The following SYNDIG1 variants were observed in gnomAD, a reference collection of about 807,000 sequenced individuals.
SYNDIG1 encodes the protein synapse differentiation-inducing gene protein 1.
SYNDIG1 carries 9 observed loss-of-function variants against 19.4 expected under a neutral mutation model. The ratio of observed to expected loss-of-function variants is 0.46; its 90% CI spans 0.28 to 0.81. The LOEUF is 0.81. Ranked by LOEUF, SYNDIG1 falls within the 30% of genes least tolerant of loss-of-function variation. The pLI is 0.12. For synonymous variants in SYNDIG1, 141 were observed against 145.9 expected (o/e 0.97, Z 0.24); for missense variants, 311 against 343.3 (o/e 0.91, Z 0.74).
intron 3 of SYNDIG1, among the ~76,000 whole-genome samples, chr20:24,600,394 CAA>C (rs1007847514): frequency 8.5e-5 from 13 of 152,146 alleles, no homozygotes; most frequent in African/African-American, 2.9e-4. Context: ...AGCAAGTGGC[CAA>C]GTCACCATCA....
chr20:24,577,277 C>T (rs1015774764), intron 2 of SYNDIG1, among the ~76,000 whole-genome samples: 7 of 152,152 alleles, frequency 4.6e-5, no homozygotes, highest in African/African-American at 1.4e-4. Flanking sequence ...CAAGGGGCCT[C>T]GAGATGTTGA....
In SYNDIG1 at chr20:24,543,136, C is replaced by T. The variant is rs1023569367; in HGVS notation, c.39C>T (p.His13=). Residue 13 remains histidine, a synonymous_variant, in exon 2 of 4, where the codon CAC becomes CAT. Coordinates refer to ENST00000376862, the MANE Select transcript of SYNDIG1 (RefSeq NM_024893.3). ...TTGAACAGAAGAGCATGCTGGTGCA[C>T]AGTAAAATCAGTGATGCTGGCAAGA... ...GIIEQKSMLV[H]SKISDAGKRN... The T allele has an allele frequency of 6.2e-6, 10 of 1,614,008 alleles. No homozygotes were observed. The African/African-American group carries it at 1.3e-4, about 22-fold the overall frequency.
At chr20:24,588,941 C>T (rs1234537007) in intron 3 of SYNDIG1, among the ~76,000 whole-genome samples, 1 of 111,622 alleles carries the variant, frequency 9.0e-6, no homozygotes, top group East Asian at 3.0e-4. Flanking sequence ...GGGGAGGCAT[C>T]TGGCTTGTCC....
chr20:24,591,232 TTAA>T (rs1442693790), intron 3 of SYNDIG1, among the ~76,000 whole-genome samples: 1 of 150,388 alleles, frequency 6.6e-6, no homozygotes, highest in Non-Finnish European at 1.5e-5. Context: ...TACAAAAATT[TTAA>T]AAAAAAAAAT....
rs575283520 is a variant in SYNDIG1 at position 24,516,546 on chromosome 20, A to G, written c.-78-26474A>G. ...ACTTGTCAAAAGAAGACATTTATGC[A>G]GCCAACAGACACATGAAAAACTGCT... is the stretch of plus-strand genomic sequence containing the variant. On this transcript the variant is annotated intron_variant, in intron 1 of 3. Coordinates refer to ENST00000376862, the MANE Select transcript of SYNDIG1 (RefSeq NM_024893.3). 1.1e-4 allele frequency among the ~76,000 whole-genome samples: 16 copies of G among 152,358 alleles called. No individual in the cohort carries two copies. In the South Asian group the frequency reaches 3.1e-3, roughly 30 times the overall value.
intron 3 of SYNDIG1, among the ~76,000 whole-genome samples, chr20:24,663,344 T>G (rs1397590474): frequency 6.6e-6 from 1 of 152,082 alleles, no homozygotes; most frequent in East Asian, 1.9e-4. Flanking sequence ...AGAATGAGAA[T>G]AAAGAGCAAA....
At chr20:24,652,101 A>T (rs1446031988) in intron 3 of SYNDIG1, among the ~76,000 whole-genome samples, 1 of 152,252 alleles carries the variant, frequency 6.6e-6, no homozygotes, top group African/African-American at 2.4e-5. Context: ...ATTTGTTACC[A>T]GCAGTAGATA....
intron 1 of SYNDIG1, among the ~76,000 whole-genome samples, chr20:24,527,961 T>C (rs1300048690): frequency 6.6e-6 from 1 of 152,228 alleles, no homozygotes; most frequent in East Asian, 1.9e-4. Context: ...AACTTCTCTA[T>C]CTTGTCTTTC....
At chr20:24,470,366 T>C (rs2055391210) in intron 1 of SYNDIG1, among the ~76,000 whole-genome samples, 1 of 152,102 alleles carries the variant, frequency 6.6e-6, no homozygotes, top group Admixed American at 6.5e-5. Context: ...CGGGCGACCG[T>C]GGCGGAAGCA....
At chr20:24,583,717 A>G (rs2058367607) in intron 2 of SYNDIG1, among the ~76,000 whole-genome samples, 1 of 152,190 alleles carries the variant, frequency 6.6e-6, no homozygotes, top group Admixed American at 6.5e-5. Context: ...AGGGTGGGGC[A>G]GTGGTTCTCT....
intron 3 of SYNDIG1, among the ~76,000 whole-genome samples, chr20:24,601,468 C>T (rs193296438): frequency 3.3e-5 from 5 of 152,232 alleles, no homozygotes; most frequent in Admixed American, 3.3e-4. Flanking sequence ...TAGTGATTTC[C>T]TTTCTTTAAT....
At chr20:24,629,884 G>A (rs2059214388) in intron 3 of SYNDIG1, among the ~76,000 whole-genome samples, 1 of 152,168 alleles carries the variant, frequency 6.6e-6, no homozygotes, top group Non-Finnish European at 1.5e-5. Context: ...ATAACTGCTT[G>A]GAGACAGGCA....
intron 3 of SYNDIG1, among the ~76,000 whole-genome samples, chr20:24,642,294 T>C (rs935514905): frequency 6.6e-6 from 1 of 152,048 alleles, no homozygotes; most frequent in Non-Finnish European, 1.5e-5. Context: ...AGACTTGGGG[T>C]CACATCAGGG....
rs551665646 is a variant in SYNDIG1 at position 24,528,769 on chromosome 20, C to T, written c.-78-14251C>T. Among the ~76,000 whole-genome samples the T allele has an allele frequency of 2.0e-5, 3 of 152,298 alleles. No homozygotes were observed. The South Asian group carries it at 6.2e-4, about 32-fold the overall frequency. ...CAAACCATTAGCAGTGCTCATTTCC[C>T]TCCCTTGAATCCCAAACTCAGGTTG... On this transcript the variant is annotated intron_variant, in intron 1 of 3. Coordinates refer to ENST00000376862, the MANE Select transcript of SYNDIG1 (RefSeq NM_024893.3).
chr20:24,660,232 G>T (rs777541079), intron 3 of SYNDIG1, among the ~76,000 whole-genome samples: 1 of 152,134 alleles, frequency 6.6e-6, no homozygotes, highest in Non-Finnish European at 1.5e-5. Context: ...TTCTTATTGG[G>T]TATTTACACA....
chr20:24,660,884 C>G (rs1015703179), intron 3 of SYNDIG1, among the ~76,000 whole-genome samples: 1 of 152,240 alleles, frequency 6.6e-6, no homozygotes, highest in African/African-American at 2.4e-5. Flanking sequence ...ACCCTCCTGG[C>G]CCCACCCCTG....
At chr20:24,648,031 T>A (rs2147357670) in intron 3 of SYNDIG1, among the ~76,000 whole-genome samples, 1 of 152,168 alleles carries the variant, frequency 6.6e-6, no homozygotes, top group Admixed American at 6.5e-5. Context: ...TGTCTTCTGT[T>A]CTTAGAAGGG....
At chr20:24,651,327 C>T (rs546044061) in intron 3 of SYNDIG1, among the ~76,000 whole-genome samples, 1 of 152,204 alleles carries the variant, frequency 6.6e-6, no homozygotes, top group African/African-American at 2.4e-5. Context: ...ACAAGAATGT[C>T]ACAAATGTAT....
At chr20:24,477,211 T>G (rs1286811378) in intron 1 of SYNDIG1, among the ~76,000 whole-genome samples, 1 of 152,240 alleles carries the variant, frequency 6.6e-6, no homozygotes, top group Non-Finnish European at 1.5e-5. Flanking sequence ...TTCTCTCTGT[T>G]GCTCTTCACA....
Sources: gnomAD v4.1 joint callset for allele counts (sites outside exome capture counted in the v4.1 genomes callset) on GRCh38, gnomAD v4.1.1 for gene constraint, MANE v1.5 for transcripts, NCBI Gene and HGNC (gene_info 2026-07-23, HGNC 2026-07-21) for gene names.